Variants in LCN15 observed in about 807,000 individuals in gnomAD.
LCN15 encodes the protein lipocalin 15.
A neutral mutation model predicts 23.1 loss-of-function variants in LCN15; 26 were observed. The observed-to-expected ratio is 1.13, with a 90% CI of 0.82 to 1.56. LCN15 has a LOEUF of 1.56. Ranked by LOEUF, LCN15 falls within the 40% of genes most tolerant of loss-of-function variation. The probability of loss-of-function intolerance (pLI) is 0.00; values close to 1 mark genes in which losing one functional copy is unlikely to be tolerated. For synonymous variants in LCN15, 107 were observed against 98.3 expected (o/e 1.09, Z -0.52); for missense variants, 241 against 239.5 (o/e 1.01, Z -0.04).
chr9:136,764,361 A>G (rs758597993), intron 1 of LCN15, 32 bp downstream of exon 1: 4 of 1,580,286 alleles, frequency 2.5e-6, no homozygotes, highest in Non-Finnish European at 3.5e-6. Context: ...CCCAGCTCCC[A>G]CCCACCACAG....
chr9:136,760,770 C>T (rs919900385), intron 6 of LCN15, among the ~76,000 whole-genome samples: 1 of 152,230 alleles, frequency 6.6e-6, no homozygotes, highest in African/African-American at 2.4e-5. Flanking sequence ...AAGGCAGGAC[C>T]CTGCCCTGGG....
intron 3 of LCN15, 116 bp downstream of exon 3, chr9:136,763,597 G>A: frequency 2.3e-6 from 3 of 1,276,664 alleles, no homozygotes; most frequent in South Asian, 1.4e-5. Context: ...CGGGGAGGGC[G>A]GGCAGGGGGC....
intron 1 of LCN15, 76 bp downstream of exon 1, chr9:136,764,317 G>A (rs769752656): frequency 1.4e-6 from 2 of 1,425,192 alleles, no homozygotes; most frequent in Non-Finnish European, 1.9e-6. Context: ...AGGAAAGGCA[G>A]TTGTCACAAT....
chr9:136,762,800 G>A (rs1163761053), intron 4 of LCN15, among the ~76,000 whole-genome samples: 1 of 151,962 alleles, frequency 6.6e-6, no homozygotes, highest in Non-Finnish European at 1.5e-5. Context: ...ATGGGCGCCT[G>A]TAGTCCCAGC....
intron 3 of LCN15, 62 bp from the exon 4 acceptor site, chr9:136,763,529 A>C: frequency 8.0e-7 from 1 of 1,250,346 alleles, no homozygotes; most frequent in Non-Finnish European, 1.1e-6. Context: ...CACCGACCCC[A>C]CCCATGCCTG....
chr9:136,763,322 AG>A (rs1258940547), intron 4 of LCN15, 34 bp downstream of exon 4: 39 of 1,108,176 alleles, frequency 3.5e-5, no homozygotes, highest in Non-Finnish European at 4.2e-5. Flanking sequence ...GAAGTTGGGG[AG>A]GGGCCAGTGC....
In LCN15 at chr9:136,763,586, G is replaced by T. The variant is rs1847346611; in HGVS notation, c.308-119C>A. The T allele has an allele frequency of 3.2e-6, 4 of 1,241,288 alleles. No individual in the cohort carries two copies. The Admixed American group carries it at 6.1e-5, about 19-fold the overall frequency. The allele number at this position is 1,241,288 out of a possible 1,614,324, so 76.9% of individuals were successfully genotyped here. ...CCTGTTCCCCGAAGACAGAGGAGGG[G>T]CGGGGAGGGCGGGCAGGGGGCTGGA... On this transcript the variant is annotated intron_variant, in intron 3 of 6. Coordinates refer to ENST00000316144, the MANE Select transcript of LCN15 (RefSeq NM_203347.2).
chr9:136,762,820 G>T (rs1192178997), intron 4 of LCN15, among the ~76,000 whole-genome samples: 1 of 151,946 alleles, frequency 6.6e-6, no homozygotes, highest in African/African-American at 2.4e-5. Context: ...CTTATCGGGG[G>T]GCTGAGGCAG....
At chr9:136,763,152 T>A (rs574649044) in intron 4 of LCN15, among the ~76,000 whole-genome samples, 2 of 146,516 alleles carry the variant, frequency 1.4e-5, no homozygotes, top group South Asian at 2.2e-4. Context: ...GGAGAGGGCA[T>A]GGGGCAGCAC....
chr9:136,763,206 G>T, intron 4 of LCN15, 151 bp downstream of exon 4: 1 of 564,108 alleles, frequency 1.8e-6, no homozygotes. Flanking sequence ...GCCTAAACTC[G>T]GCCTAAAAGG....
chr9:136,761,561 A>C lies in LCN15; in HGVS notation c.*32+226T>G, dbSNP rs1847317127. Among the ~76,000 whole-genome samples the C allele has an allele frequency of 6.6e-6, 1 of 152,166 alleles. No homozygotes were observed. The highest frequency in any genetic ancestry group is 1.9e-4 in the East Asian group (1 of 5,198). ...TAGGCATGAGCCACTGCACCCGGCCAAACTTCTGCTGTTTTAAGTCGCCCC... is the reference window on the plus strand; with the variant it reads ...TAGGCATGAGCCACTGCACCCGGCCCAACTTCTGCTGTTTTAAGTCGCCCC... On this transcript the variant is annotated intron_variant, in intron 6 of 6. Coordinates refer to ENST00000316144, the MANE Select transcript of LCN15 (RefSeq NM_203347.2). This position sits in a 1 kb window ranked among gnomAD's most constrained non-coding sequence, Gnocchi z 4.2.
At chr9:136,763,158 A>G (rs1301360009) in intron 4 of LCN15, among the ~76,000 whole-genome samples, 199 bp downstream of exon 4, 1 of 150,326 alleles carries the variant, frequency 6.7e-6, no homozygotes, top group African/African-American at 2.4e-5. Flanking sequence ...GGCATGGGGC[A>G]GCACCAGAAG....
At chr9:136,762,922 T>TAA (rs564732610) in intron 4 of LCN15, among the ~76,000 whole-genome samples, 59,769 of 104,462 alleles carry the variant, frequency 0.57, 17,807 homozygotes, top group East Asian at 0.69. Flanking sequence ...GACTCCATAT[T>TAA]AAAAAAAAAA....
Position 136,762,222 on chromosome 9 carries a change from G to A in LCN15, c.486C>T (p.Leu162=). ...GCAGCATGACCATCATGTCCTTGGGGAGCCCCAGGGTCGGGTAGAAGTCCT... is the reference window on the plus strand; with the variant it reads ...GCAGCATGACCATCATGTCCTTGGGAAGCCCCAGGGTCGGGTAGAAGTCCT... ...SFQDFYPTLG[L]PKDMMVMLPQ... The change falls in exon 5 of 7, where the codon CTC becomes CTT. Residue 162 remains leucine, a synonymous_variant. Transcript: ENST00000316144. The A allele has an allele frequency of 6.2e-7, 1 of 1,600,026 alleles. No individual in the cohort carries two copies. Among genetic ancestry groups the A allele is most frequent in the East Asian group, 2.3e-5 (1 of 43,980 alleles).
At position 136,762,268 on chromosome 9, in the gene LCN15, G is replaced by A; in HGVS notation, c.440C>T (p.Pro147Leu). 3 of 1,592,880 alleles carry A rather than the reference G, an allele frequency of 1.9e-6. No individual in the cohort carries two copies. Among genetic ancestry groups the A allele is most frequent in the Non-Finnish European group, 1.7e-6 (2 of 1,169,422 alleles). Residue 147 changes from proline (P) to leucine (L), a missense_variant, in exon 5 of 7, where the codon CCC (proline) becomes CTC (leucine). Physicochemically the swap from Pro to Leu is moderately conservative, Grantham distance 98. Transcript: ENST00000316144. ...GTCCTGGAAGGACTTCAGAGCCTGG[G>A]GACTCACATCCTGGGTCCGGCCTGG... Reference protein sequence around the residue: ...QLYSRTQDVSPQALKSFQDFY... With the variant: ...QLYSRTQDVSLQALKSFQDFY...
At chr9:136,763,818 A>C in intron 2 of LCN15, 35 bp from the exon 3 acceptor site, 1 of 1,613,296 alleles carries the variant, frequency 6.2e-7, no homozygotes. Flanking sequence ...CATGGCACCC[A>C]GCTACCTCAG....
In LCN15 at chr9:136,763,743, C is replaced by A; in HGVS notation, c.277G>T (p.Val93Leu). The A allele has an allele frequency of 6.2e-7, 1 of 1,613,498 alleles. No individual in the cohort carries two copies. Among genetic ancestry groups the A allele is most frequent in the Non-Finnish European group, 8.5e-7 (1 of 1,179,952 alleles). ...CNQVDAEYLK[V>L]GSEGHFRVPA... ...ACTCTGAAGTGTCCCTCGGAGCCCACCTTCAGGTACTCGGCATCCACCTGG... is the reference window on the plus strand; with the variant it reads ...ACTCTGAAGTGTCCCTCGGAGCCCAACTTCAGGTACTCGGCATCCACCTGG... The change falls in exon 3 of 7, where the codon GTG becomes TTG. Residue 93 changes from valine (V) to leucine (L), a missense_variant. Coordinates refer to ENST00000316144, the MANE Select transcript of LCN15 (RefSeq NM_203347.2).
intron 6 of LCN15, 43 bp from the exon 7 acceptor site, chr9:136,759,826 A>G (rs1241502555): frequency 6.6e-6 from 1 of 152,302 alleles, no homozygotes. Flanking sequence ...CACTCCCGCG[A>G]CAAACGCCCT....
At position 136,762,259 on chromosome 9, in the gene LCN15, A is replaced by G; in HGVS notation, c.449T>C (p.Leu150Pro). The change falls in exon 5 of 7, where the codon CTG becomes CCG. Residue 150 changes from leucine to proline, a missense_variant. Coordinates refer to ENST00000316144, the MANE Select transcript of LCN15 (RefSeq NM_203347.2). ...CGGGTAGAAGTCCTGGAAGGACTTC[A>G]GAGCCTGGGGACTCACATCCTGGGT... ...SRTQDVSPQA[L>P]KSFQDFYPTL... The G allele has an allele frequency of 6.3e-7, 1 of 1,594,642 alleles. No individual in the cohort carries two copies. Among genetic ancestry groups the G allele is most frequent in the Non-Finnish European group, 8.5e-7 (1 of 1,170,484 alleles).
Sources: gnomAD v4.1 joint callset for allele counts (sites outside exome capture counted in the v4.1 genomes callset) on GRCh38, gnomAD v4.1.1 for gene constraint, Gnocchi (gnomAD v3.1) non-coding constraint, MANE v1.5 for transcripts, NCBI Gene and HGNC (gene_info 2026-07-23, HGNC 2026-07-21) for gene names.